GLI3: variants seen among roughly 807,000 people sequenced by gnomAD.
GLI3 encodes the protein transcription activator GLI3.
GLI3 carries 20 observed loss-of-function variants against 100.8 expected under a neutral mutation model. The ratio of observed to expected loss-of-function variants is 0.20; its 90% CI spans 0.14 to 0.29. The LOEUF is 0.29. GLI3 is among the 10% of genes least tolerant of loss of function. The pLI, the probability that GLI3 is intolerant of heterozygous loss-of-function variation, is 1.00. For synonymous variants in GLI3, 938 were observed against 860.5 expected (o/e 1.09, Z -1.58); for missense variants, 2,040 against 2,128.5 (o/e 0.96, Z 0.82).
chr7:42,101,833 A>ACCCCC (rs1785469994), intron 3 of GLI3, among the ~76,000 whole-genome samples: 1 of 95,508 alleles, frequency 1.0e-5, no homozygotes, highest in African/African-American at 5.4e-5. Context: ...CTATCCCTCC[A>ACCCCC]CCCTCTCCCA....
intron 1 of GLI3, among the ~76,000 whole-genome samples, chr7:42,228,861 A>T (rs560904171): frequency 7.4e-4 from 112 of 152,260 alleles, no homozygotes; most frequent in South Asian, 4.6e-3. Context: ...GAGCTCAGGG[A>T]GGCCCTGAGT....
intron 2 of GLI3, among the ~76,000 whole-genome samples, chr7:42,175,472 G>C (rs904383245): frequency 4.6e-5 from 7 of 152,110 alleles, no homozygotes; most frequent in African/African-American, 1.7e-4. Flanking sequence ...ACAAAAATTA[G>C]CCAGGCGTGG....
At chr7:42,138,761 G>C (rs1161487960) in intron 3 of GLI3, among the ~76,000 whole-genome samples, 1 of 152,196 alleles carries the variant, frequency 6.6e-6, no homozygotes, top group Non-Finnish European at 1.5e-5. Flanking sequence ...CTAGGAAACA[G>C]GCACCTCCTT....
chr7:42,030,726 GTT>G (rs528255868), intron 7 of GLI3, among the ~76,000 whole-genome samples: 1 of 113,494 alleles, frequency 8.8e-6, no homozygotes. Flanking sequence ...TTTGTTTCTT[GTT>G]TTTTTTTTGA....
At position 42,056,757 on chromosome 7, in the gene GLI3, T is replaced by C. The variant is rs1292819646; in HGVS notation, c.474-8061A>G. On this transcript the variant is annotated intron_variant, in intron 4 of 14. Coordinates refer to ENST00000395925, the MANE Select transcript of GLI3 (RefSeq NM_000168.6). Reference sequence around the variant, plus strand: ...CCTGAGGTGGAGAGTTTGAGACCAGTGTGACCAACATGGAGAAACCCCGTC... The same window carrying C: ...CCTGAGGTGGAGAGTTTGAGACCAGCGTGACCAACATGGAGAAACCCCGTC... Among the ~76,000 whole-genome samples, 3 of 151,198 alleles carry C rather than the reference T, an allele frequency of 2.0e-5. No individual in the cohort carries two copies. In the East Asian group the frequency reaches 5.8e-4, roughly 29 times the overall value.
chr7:42,156,545 C>A (rs1298545160), intron 2 of GLI3, among the ~76,000 whole-genome samples: 2 of 152,166 alleles, frequency 1.3e-5, no homozygotes, highest in African/African-American at 4.8e-5. Context: ...CACATACAGA[C>A]CTGAGCAGTT....
At chr7:41,969,284 T>C (rs891269457) in intron 13 of GLI3, among the ~76,000 whole-genome samples, 4 of 152,170 alleles carry the variant, frequency 2.6e-5, no homozygotes, top group African/African-American at 7.2e-5. Flanking sequence ...AGTGTTACTA[T>C]AAACACGGAC....
At chr7:42,064,288 C>T (rs914144859) in intron 4 of GLI3, among the ~76,000 whole-genome samples, 6 of 152,070 alleles carry the variant, frequency 3.9e-5, no homozygotes, top group Non-Finnish European at 2.9e-5. Context: ...GAAAAAACAA[C>T]GAACAAATTT....
intron 4 of GLI3, among the ~76,000 whole-genome samples, chr7:42,065,323 C>T (rs893788813): frequency 2.6e-5 from 4 of 151,622 alleles, no homozygotes; most frequent in Non-Finnish European, 5.9e-5. Context: ...ACCCCACCTG[C>T]TTGTTAAGAG....
chr7:42,047,255 A>T (rs1285490086), intron 5 of GLI3, among the ~76,000 whole-genome samples: 2 of 152,256 alleles, frequency 1.3e-5, no homozygotes, highest in East Asian at 3.8e-4. Context: ...ACTGAATCAA[A>T]AAAGAAAAAA....
intron 10 of GLI3, among the ~76,000 whole-genome samples, chr7:42,010,835 T>C (rs1362350206): frequency 6.6e-6 from 1 of 152,230 alleles, no homozygotes; most frequent in Non-Finnish European, 1.5e-5. Context: ...TGGCCTTCAA[T>C]ATGTTTTTTA....
At chr7:42,216,494 A>G (rs1788380121) in intron 2 of GLI3, among the ~76,000 whole-genome samples, 2 of 152,220 alleles carry the variant, frequency 1.3e-5, no homozygotes, top group Non-Finnish European at 2.9e-5. Flanking sequence ...TGGAAAGTTA[A>G]TAACAGTGCA....
intron 2 of GLI3, among the ~76,000 whole-genome samples, chr7:42,162,826 A>G (rs537431399): frequency 6.6e-6 from 1 of 152,178 alleles, no homozygotes; most frequent in Non-Finnish European, 1.5e-5. Context: ...ACAAAGAAGC[A>G]GCTTCTCCTT....
At chr7:42,254,761 A>G (rs1266329333) in intron 1 of GLI3, among the ~76,000 whole-genome samples, 1 of 151,792 alleles carries the variant, frequency 6.6e-6, no homozygotes, top group Non-Finnish European at 1.5e-5. Context: ...TGCCTCTTCC[A>G]CTTTTCGGTC....
At chr7:42,127,665 G>GT in intron 3 of GLI3, among the ~76,000 whole-genome samples, 1 of 152,268 alleles carries the variant, frequency 6.6e-6, no homozygotes, top group South Asian at 2.1e-4. Context: ...ATTTCTCCAA[G>GT]TTCATGATTT....
rs75796620 is a variant in GLI3, at chr7:41,965,956, C to T, written c.3117G>A (p.Ala1039=). Residue 1039 remains alanine, a synonymous_variant, in exon 15 of 15, where the codon GCG becomes GCA. Coordinates refer to ENST00000395925, the MANE Select transcript of GLI3 (RefSeq NM_000168.6). The part of the protein sequence containing the change: ...SCNPPAMATS[A]EKRSLVLQNY... ...TCTGAAGCACGAGACTGCGCTTCTC[C>T]GCGGACGTGGCCATCGCCGGGGGGT... The T allele has an allele frequency of 1.4e-4, 229 of 1,611,088 alleles. 1 individual carries two copies. In the East Asian group the frequency reaches 4.0e-3, roughly 28 times the overall value.
intron 3 of GLI3, among the ~76,000 whole-genome samples, chr7:42,085,775 T>C (rs1051291285): frequency 1.4e-4 from 22 of 152,110 alleles, no homozygotes; most frequent in African/African-American, 4.8e-4. Flanking sequence ...CTGCCAGAGA[T>C]TGTCGGGGCT....
chr7:42,238,482 G>A (rs1293399163), upstream of GLI3, among the ~76,000 whole-genome samples: 13 of 152,170 alleles, frequency 8.5e-5, no homozygotes, highest in Admixed American at 7.2e-4. Flanking sequence ...TGCCCTCGGG[G>A]CCAAATCCGC....
chr7:42,152,432 G>C, intron 2 of GLI3: 1 of 985,426 alleles, frequency 1.0e-6, no homozygotes, highest in Non-Finnish European at 1.2e-6. Context: ...AGACCCTCTA[G>C]GAACATTCTC....
Sources: allele counts gnomAD v4.1 joint callset (sites outside exome capture counted in the v4.1 genomes callset), GRCh38; gene constraint gnomAD v4.1.1; transcripts MANE v1.5; gene names NCBI Gene and HGNC (gene_info 2026-07-23, HGNC 2026-07-21).